Variants in SDK1 observed in about 807,000 individuals in gnomAD.
SDK1 encodes the protein sidekick cell adhesion molecule 1, also known as protein sidekick-1.
A neutral mutation model predicts 245.5 loss-of-function variants in SDK1; 157 were observed. That is an observed-to-expected ratio of 0.64 (90% confidence interval 0.56 to 0.73). The LOEUF is 0.73. Among genes scored for constraint, SDK1 ranks in the 30% least tolerant of loss-of-function variants. The pLI, the probability that SDK1 is intolerant of heterozygous loss-of-function variation, is 0.00. For synonymous variants in SDK1, 1,647 were observed against 1,278.5 expected, an observed-to-expected ratio of 1.29 and a Z score of -6.15; for missense variants, 3,583 against 3,002.3, an observed-to-expected ratio of 1.19 and a Z score of -4.52.
chr7:4,134,118 G>A (rs1778883880), intron 28 of SDK1, among the ~76,000 whole-genome samples: 1 of 152,136 alleles, frequency 6.6e-6, no homozygotes, highest in Admixed American at 6.5e-5. Context: ...GATATTTATT[G>A]AGCCCTTGCT....
At chr7:3,964,195 T>C (rs1367057857) in intron 9 of SDK1, among the ~76,000 whole-genome samples, 1 of 152,204 alleles carries the variant, frequency 6.6e-6, no homozygotes, top group East Asian at 1.9e-4. Context: ...TGGCCAGAAG[T>C]GGGCAGACCA....
At chr7:3,320,589 C>T (rs1021118891) in intron 1 of SDK1, among the ~76,000 whole-genome samples, 10 of 152,278 alleles carry the variant, frequency 6.6e-5, no homozygotes, top group African/African-American at 2.4e-4. Context: ...CTAAATCCAT[C>T]TGTGATGTTA....
In SDK1 at chr7:4,067,772, C is replaced by T. The variant is rs547932046; in HGVS notation, c.2912-66C>T. ...TTCCTTCCATAGTTAGAACCTTCCC[C>T]ACACATCTGATCAAAAGAAAATTTG... On this transcript the variant is annotated intron_variant, in intron 19 of 44. Coordinates refer to ENST00000404826, the MANE Select transcript of SDK1 (RefSeq NM_152744.4). 99 of 1,205,582 alleles carry T rather than the reference C, an allele frequency of 8.2e-5. No individual in the cohort carries two copies. In the African/African-American group the frequency reaches 1.2e-3, roughly 14 times the overall value. The allele number at this position is 1,205,582 out of a possible 1,614,324, so 74.7% of individuals were successfully genotyped here. A position where few individuals can be genotyped will look rare whatever the true frequency, so the allele number is the denominator to read the frequency against.
intron 19 of SDK1, among the ~76,000 whole-genome samples, chr7:4,063,970 A>G (rs1433791481): frequency 1.3e-5 from 2 of 152,208 alleles, no homozygotes; most frequent in African/African-American, 2.4e-5. Context: ...TGAAATTATA[A>G]AACTACTAAA....
chr7:3,428,889 G>C (rs73036706), intron 1 of SDK1, among the ~76,000 whole-genome samples: 1 of 152,098 alleles, frequency 6.6e-6, no homozygotes, highest in Non-Finnish European at 1.5e-5. Context: ...GGTCTAAATA[G>C]TTAGCAGTGG....
chr7:3,398,279 C>G (rs552790661), intron 1 of SDK1, among the ~76,000 whole-genome samples: 2 of 152,204 alleles, frequency 1.3e-5, no homozygotes, highest in South Asian at 4.1e-4. Flanking sequence ...TTGTAATCCA[C>G]TGTTGTTCTA....
intron 5 of SDK1, among the ~76,000 whole-genome samples, chr7:3,846,870 C>T (rs560379767): frequency 6.6e-6 from 1 of 152,196 alleles, no homozygotes; most frequent in Admixed American, 6.5e-5. Context: ...AGTCTGGCTG[C>T]TGCTTGTCAG....
intron 2 of SDK1, among the ~76,000 whole-genome samples, chr7:3,624,024 C>A (rs1370186150): frequency 1.3e-5 from 2 of 151,912 alleles, no homozygotes; most frequent in African/African-American, 4.8e-5. Flanking sequence ...TTATGAAATA[C>A]CTGGGAATAA....
chr7:3,761,171 C>T (rs558621963), intron 4 of SDK1, among the ~76,000 whole-genome samples: 1 of 151,566 alleles, frequency 6.6e-6, no homozygotes, highest in Non-Finnish European at 1.5e-5. Context: ...GTGTGGATTG[C>T]CAAGTTGCAT....
At chr7:4,018,354 T>A (rs1786589464) in intron 17 of SDK1, among the ~76,000 whole-genome samples, 1 of 152,238 alleles carries the variant, frequency 6.6e-6, no homozygotes, top group Non-Finnish European at 1.5e-5. Flanking sequence ...TCATCCCGTA[T>A]TGACTGGCTG....
chr7:3,867,585 A>T (rs1175970009), intron 5 of SDK1, among the ~76,000 whole-genome samples: 1 of 152,198 alleles, frequency 6.6e-6, no homozygotes, highest in African/African-American at 2.4e-5. Flanking sequence ...GCTTCTCTTT[A>T]TAAAACCATC....
At chr7:4,043,131 G>T (rs915413626) in intron 17 of SDK1, among the ~76,000 whole-genome samples, 1 of 151,634 alleles carries the variant, frequency 6.6e-6, no homozygotes, top group Non-Finnish European at 1.5e-5. Context: ...CTCAGGTAGA[G>T]TGAGTGTCAC....
At chr7:4,259,768 AT>A (rs1787861885) in intron 44 of SDK1, among the ~76,000 whole-genome samples, 1 of 152,170 alleles carries the variant, frequency 6.6e-6, no homozygotes, top group Non-Finnish European at 1.5e-5. Flanking sequence ...GGGTTTTGGA[AT>A]TTGGAATGGA....
intron 44 of SDK1, among the ~76,000 whole-genome samples, chr7:4,254,149 AT>A (rs893012274): frequency 6.6e-6 from 1 of 151,998 alleles, no homozygotes; most frequent in African/African-American, 2.4e-5. Flanking sequence ...TTTTTATCAA[AT>A]TTGGGAAACT....
chr7:3,948,289 G>C (rs140889187), intron 5 of SDK1, among the ~76,000 whole-genome samples: 1 of 118,654 alleles, frequency 8.4e-6, no homozygotes. Flanking sequence ...ACGGAGTCTC[G>C]CTCTGTCACC....
chr7:3,947,904 G>T (rs1423447176), intron 5 of SDK1, among the ~76,000 whole-genome samples: 1 of 152,084 alleles, frequency 6.6e-6, no homozygotes, highest in African/African-American at 2.4e-5. Context: ...AACACTAACA[G>T]ATTTAGGGGA....
chr7:3,468,894 G>A (rs761019229), intron 1 of SDK1, among the ~76,000 whole-genome samples: 3 of 152,098 alleles, frequency 2.0e-5, no homozygotes, highest in Non-Finnish European at 4.4e-5. Flanking sequence ...GTGATTTTTA[G>A]CATACCTTCA....
At position 3,378,897 on chromosome 7, in the gene SDK1, G is replaced by A. The variant is rs182463987; in HGVS notation, c.298+77013G>A. Among the ~76,000 whole-genome samples, 6 of 152,062 alleles carry A rather than the reference G, an allele frequency of 3.9e-5. No homozygotes were observed. In the South Asian group the frequency reaches 6.3e-4, roughly 16 times the overall value. ...GTCTTCCTTGTTAGGACCTCTCATC[G>A]GAGAGTTGCATGCATGCTCACCGAC... On this transcript the variant is annotated intron_variant, in intron 1 of 44. Coordinates refer to ENST00000404826, the MANE Select transcript of SDK1 (RefSeq NM_152744.4).
At chr7:4,002,379 C>T (rs1382557525) in intron 14 of SDK1, among the ~76,000 whole-genome samples, 3 of 152,152 alleles carry the variant, frequency 2.0e-5, no homozygotes, top group Non-Finnish European at 2.9e-5. Context: ...CATGTGACGA[C>T]AGTAATTTAA....
Sources: gnomAD v4.1 joint callset for allele counts (sites outside exome capture counted in the v4.1 genomes callset) on GRCh38, gnomAD v4.1.1 for gene constraint, MANE v1.5 for transcripts, NCBI Gene and HGNC (gene_info 2026-07-23, HGNC 2026-07-21) for gene names.